The following FAM219A variants were observed in gnomAD, a reference collection of about 807,000 sequenced individuals.
FAM219A encodes the protein protein FAM219A.
A neutral mutation model predicts 23.4 loss-of-function variants in FAM219A; 7 were observed. The ratio of observed to expected loss-of-function variants is 0.30; its 90% CI spans 0.17 to 0.56. The LOEUF is 0.56. FAM219A is among the 20% of genes least tolerant of loss of function. The pLI is 0.92. For synonymous variants in FAM219A, 93 were observed against 99.0 expected, an observed-to-expected ratio of 0.94 and a Z score of 0.36; for missense variants, 166 against 246.9, an observed-to-expected ratio of 0.67 and a Z score of 2.20.
chr9:34,400,816 T>G lies in FAM219A; in HGVS notation c.*148A>C. ...ACACACAGAGGTACACGTCCTACCA[T>G]AGGAGGAAGCAATGACTGTTATACG... On this transcript the variant is annotated 3_prime_UTR_variant, in exon 6 of 6. Coordinates refer to ENST00000651358, the MANE Select transcript of FAM219A (RefSeq NM_001184940.2). 9 of 764,238 alleles carry G rather than the reference T, an allele frequency of 1.2e-5. No individual in the cohort carries two copies. The highest frequency in any genetic ancestry group is 1.6e-5 in the Non-Finnish European group (8 of 510,188). The allele number at this position is 764,238 out of a possible 1,614,324, so 47.3% of individuals were successfully genotyped here. A position where few individuals can be genotyped will look rare whatever the true frequency, so the allele number is the denominator to read the frequency against.
Position 34,400,893 on chromosome 9 carries a change from AG to A in FAM219A, c.*70del. 1 of 1,414,172 alleles carries A rather than the reference AG, an allele frequency of 7.1e-7. No individual in the cohort carries two copies. 87.6% of individuals were successfully genotyped at this position (1,414,172 alleles called of 1,614,324 possible). Reference sequence around the variant, plus strand: ...CCGGGGGCAGGCAGACGAGCTGGGAAGGGGTCGGCCTCTGCCCGTCCTACCC... The same window carrying A: ...CCGGGGGCAGGCAGACGAGCTGGGAAGGGTCGGCCTCTGCCCGTCCTACCC... On this transcript the variant is annotated 3_prime_UTR_variant, in exon 6 of 6. Transcript: ENST00000651358.
At chr9:34,401,587 G>A in intron 5 of FAM219A, 79 bp downstream of exon 5, 1 of 1,500,380 alleles carries the variant, frequency 6.7e-7, no homozygotes. Context: ...CTTGTACTTG[G>A]GCATTGGCCC....
chr9:34,443,014 G>A (rs977932938), intron 1 of FAM219A, among the ~76,000 whole-genome samples: 9 of 152,156 alleles, frequency 5.9e-5, no homozygotes, highest in African/African-American at 1.7e-4. Context: ...TAATCCAGTA[G>A]GTGGGGTATG....
chr9:34,424,871 C>T (rs750693448), intron 1 of FAM219A, among the ~76,000 whole-genome samples: 8 of 152,130 alleles, frequency 5.3e-5, no homozygotes, highest in African/African-American at 7.2e-5. Flanking sequence ...TGCAATGGCA[C>T]GACCTCAGGT....
At chr9:34,452,361 A>G (rs1372522258) in intron 1 of FAM219A, among the ~76,000 whole-genome samples, 1 of 152,206 alleles carries the variant, frequency 6.6e-6, no homozygotes, top group Non-Finnish European at 1.5e-5. Context: ...CTGAGACCAA[A>G]AGGTACATGG....
At chr9:34,448,348 G>A (rs933092026) in intron 1 of FAM219A, among the ~76,000 whole-genome samples, 1 of 152,176 alleles carries the variant, frequency 6.6e-6, no homozygotes, top group Non-Finnish European at 1.5e-5. Context: ...TGTTCCCCCT[G>A]CTGAAGACCA....
intron 1 of FAM219A, among the ~76,000 whole-genome samples, chr9:34,436,817 C>T (rs1447321770): frequency 6.6e-6 from 1 of 152,172 alleles, no homozygotes; most frequent in East Asian, 1.9e-4. Flanking sequence ...CTTAATGTCC[C>T]TTTCCTTTCA....
At chr9:34,424,594 A>T (rs1310343709) in intron 1 of FAM219A, among the ~76,000 whole-genome samples, 1 of 152,190 alleles carries the variant, frequency 6.6e-6, no homozygotes, top group Non-Finnish European at 1.5e-5. Flanking sequence ...AGGCTATGGC[A>T]AAAAGCAGCA....
intron 1 of FAM219A, among the ~76,000 whole-genome samples, chr9:34,449,443 A>AG (rs748725370): frequency 1.3e-5 from 2 of 152,262 alleles, no homozygotes; most frequent in Non-Finnish European, 2.9e-5. Context: ...AAATATTATG[A>AG]GAAAAACAAG....
intron 1 of FAM219A, among the ~76,000 whole-genome samples, chr9:34,431,365 C>T (rs917971973): frequency 1.3e-5 from 2 of 152,142 alleles, no homozygotes; most frequent in Non-Finnish European, 1.5e-5. Flanking sequence ...TGCACACACA[C>T]GGACACACAC....
intron 1 of FAM219A, among the ~76,000 whole-genome samples, chr9:34,428,810 T>C (rs966163011): frequency 6.6e-6 from 1 of 152,198 alleles, no homozygotes; most frequent in African/African-American, 2.4e-5. Flanking sequence ...CTGTTCTTGT[T>C]TCTTCTCCAG....
At position 34,449,897 on chromosome 9, in the gene FAM219A, T is replaced by G. The variant is rs979563677; in HGVS notation, c.60+8307A>C. On this transcript the variant is annotated intron_variant, in intron 1 of 5. Coordinates refer to ENST00000651358, the MANE Select transcript of FAM219A (RefSeq NM_001184940.2). The stretch of plus-strand genomic sequence containing the variant: ...TTTTCTACGGAGACTTTTTCCCTCA[T>G]GAAGCATCCCAAAGGATCAATATTC... 8.5e-5 allele frequency among the ~76,000 whole-genome samples: 13 copies of G among 152,316 alleles called. No homozygotes were observed. The East Asian group carries it at 1.4e-3, about 16-fold the overall frequency.
Position 34,441,608 on chromosome 9 carries a change from G to A in FAM219A, c.60+16596C>T, listed in dbSNP as rs534146562. ...AGGTGATACCTGTGGGGGTATGAAG[G>A]CAGAGAATTAACAGGGTTCTTTGCT... is the stretch of plus-strand genomic sequence containing the variant. On this transcript the variant is annotated intron_variant, in intron 1 of 5. Transcript: ENST00000651358. 1.5e-4 allele frequency among the ~76,000 whole-genome samples: 23 copies of A among 152,306 alleles called. No homozygotes were observed. The South Asian group carries it at 4.3e-3, about 29-fold the overall frequency.
chr9:34,424,753 T>C (rs1265376589), intron 1 of FAM219A, among the ~76,000 whole-genome samples: 1 of 152,192 alleles, frequency 6.6e-6, no homozygotes. Flanking sequence ...ACAGTGAACA[T>C]CCAGAGGGAG....
At chr9:34,430,131 GA>G (rs1327139231) in intron 1 of FAM219A, among the ~76,000 whole-genome samples, 1 of 152,138 alleles carries the variant, frequency 6.6e-6, no homozygotes, top group Non-Finnish European at 1.5e-5. Flanking sequence ...GCAGCACCTG[GA>G]GGGGATAAGG....
chr9:34,439,025 C>G (rs982455267), intron 1 of FAM219A, among the ~76,000 whole-genome samples: 3 of 151,596 alleles, frequency 2.0e-5, no homozygotes, highest in East Asian at 3.9e-4. Flanking sequence ...CCGGGAGGAA[C>G]GAACAACTCC....
At chr9:34,438,703 C>A (rs1823034544) in intron 1 of FAM219A, among the ~76,000 whole-genome samples, 1 of 152,046 alleles carries the variant, frequency 6.6e-6, no homozygotes, top group Non-Finnish European at 1.5e-5. Context: ...TCTGGTGGAG[C>A]CTTGGAGAAC....
At position 34,401,033 on chromosome 9, in the gene FAM219A, G is replaced by A; in HGVS notation, c.489C>T (p.Pro163=). Residue 163 remains proline, a synonymous_variant, in exon 6 of 6, where the codon CCC becomes CCT. Coordinates refer to ENST00000651358, the MANE Select transcript of FAM219A (RefSeq NM_001184940.2). ...TGCACGTGGGGTTCACGGACTTGGGGGGGATGAGGTCTAGGTCCTCGTCGT... is the reference window on the plus strand; with the variant it reads ...TGCACGTGGGGTTCACGGACTTGGGAGGGATGAGGTCTAGGTCCTCGTCGT... ...IPDDEDLDLI[P]PKSVNPTCMC... is the part of the protein sequence containing the mutation. 6.2e-7 allele frequency: 1 copy of A among 1,607,096 alleles called. No homozygotes were observed. Among genetic ancestry groups the A allele is most frequent in the Admixed American group, 1.7e-5 (1 of 59,358 alleles).
intron 1 of FAM219A, among the ~76,000 whole-genome samples, chr9:34,438,008 C>CCGCACT (rs1427532231): frequency 2.0e-5 from 3 of 152,218 alleles, no homozygotes. Flanking sequence ...TTGGCGGGCC[C>CCGCACT]CGCACTCGGA....
Sources: allele counts gnomAD v4.1 joint callset (sites outside exome capture counted in the v4.1 genomes callset), GRCh38; gene constraint gnomAD v4.1.1; transcripts MANE v1.5; gene names NCBI Gene and HGNC (gene_info 2026-07-23, HGNC 2026-07-21).